Variants in ZNF135 observed in about 807,000 individuals in gnomAD.
The protein encoded by ZNF135 is zinc finger protein 135 (clone pHZ-17).
ZNF135 carries 11 observed loss-of-function variants against 12.3 expected under a neutral mutation model. That is an observed-to-expected ratio of 0.89 (90% CI 0.56 to 1.48). The LOEUF (loss-of-function observed/expected upper bound fraction) is 1.48. ZNF135 is among the 40% of genes most tolerant of loss of function. The probability of loss-of-function intolerance (pLI) is 0.00; values close to 1 mark genes in which losing one functional copy is unlikely to be tolerated. For missense variants in ZNF135, 722 were observed against 815.7 expected (o/e 0.89, Z 1.40); for synonymous variants, 316 against 312.0 (o/e 1.01, Z -0.14).
rs45461497 is a variant in ZNF135, at chr19:58,066,696, G to A, written c.257-45G>A. On this transcript the variant is annotated intron_variant, in intron 4 of 4. Transcript: ENST00000313434. ...CCATCTCACCACAAACTCTTTTGCC[G>A]TGGAACAGAGATTAAGGGACATTTC... 1,544 of 1,599,726 alleles carry A rather than the reference G, an allele frequency of 9.7e-4. 2 individuals carry two copies. The highest frequency in any genetic ancestry group is 1.2e-3 in the Non-Finnish European group (1,439 of 1,172,370).
In ZNF135 at chr19:58,059,325, C is replaced by A. The variant is rs773772579; in HGVS notation, c.-35+15C>A. 8.9e-7 allele frequency: 1 copy of A among 1,118,836 alleles called. No individual in the cohort carries two copies. Among genetic ancestry groups the A allele is most frequent in the Non-Finnish European group, 1.1e-6 (1 of 908,044 alleles). The allele number at this position is 1,118,836 out of a possible 1,614,324, so 69.3% of individuals were successfully genotyped here. ...CAGTCAGGAGGGTGAGCTAGGCCGG[C>A]GAGGAGGGGGAGGGGAGGCCAGGCC... On this transcript the variant is annotated intron_variant, in intron 1 of 4. Transcript: ENST00000313434. This position sits in a 1 kb window ranked among gnomAD's most constrained non-coding sequence, Gnocchi z 6.5.
At chr19:58,059,269 G>A (rs764887474), upstream of ZNF135, 9 of 1,580,398 alleles carry the variant, frequency 5.7e-6, no homozygotes, top group South Asian at 1.1e-5. The surrounding 1 kb of genome is among the most constrained non-coding windows in gnomAD (Gnocchi z 6.5). Flanking sequence ...CCGGCGCAGT[G>A]TCGGCTGCCG....
At position 58,059,821 on chromosome 19, in the gene ZNF135, C is replaced by A; in HGVS notation, c.-34-148C>A. The A allele has an allele frequency of 1.1e-6, 1 of 943,936 alleles. No individual in the cohort carries two copies. Among genetic ancestry groups the A allele is most frequent in the Non-Finnish European group, 1.5e-6 (1 of 652,402 alleles). The allele number at this position is 943,936 out of a possible 1,614,324, so 58.5% of individuals were successfully genotyped here. Reference sequence around the variant, plus strand: ...GGCTGCCCTTCTCCGAGCGGAGGGCCGCCCCACACACAGCAGGCGCTTAAA... The same window carrying A: ...GGCTGCCCTTCTCCGAGCGGAGGGCAGCCCCACACACAGCAGGCGCTTAAA... On this transcript the variant is annotated intron_variant, in intron 1 of 4. Coordinates refer to ENST00000313434, the MANE Select transcript of ZNF135 (RefSeq NM_001289401.2). This position sits in a 1 kb window ranked among gnomAD's most constrained non-coding sequence, Gnocchi z 6.5.
Position 58,067,619 on chromosome 19 carries a change from G to C in ZNF135, c.1135G>C (p.Glu379Gln). The part of the protein sequence containing the change: ...LTKHQRIHTG[E>Q]KPYECHECGK... ...CAAACACCAGCGAATCCACACAGGG[G>C]AGAAGCCCTACGAGTGCCATGAGTG... is the stretch of plus-strand genomic sequence containing the variant. Residue 379 changes from glutamate (E) to glutamine (Q), a missense_variant, in exon 5 of 5, where the codon GAG becomes CAG. By Grantham distance (29) the Glu-to-Gln change is conservative. Transcript: ENST00000313434. 2.5e-6 allele frequency: 4 copies of C among 1,614,164 alleles called. No homozygotes were observed. The South Asian group carries it at 3.3e-5, about 13-fold the overall frequency.
At chr19:58,061,752 G>T (rs1187499560) in intron 3 of ZNF135, 46 bp downstream of exon 3, 1 of 1,558,352 alleles carries the variant, frequency 6.4e-7, no homozygotes, top group Non-Finnish European at 8.6e-7. Flanking sequence ...CCCTGACACG[G>T]ATTCTGATTC....
At position 58,060,555 on chromosome 19, in the gene ZNF135, G is replaced by A. The variant is rs2073959253; in HGVS notation, c.33+520G>A. Reference sequence around the variant, plus strand: ...GCTCTGCGCTCCAAGATGGCGCATCGAGTGCCGCTTCCTCAGACGTCATGG... The same window carrying A: ...GCTCTGCGCTCCAAGATGGCGCATCAAGTGCCGCTTCCTCAGACGTCATGG... On this transcript the variant is annotated intron_variant, in intron 2 of 4. Coordinates refer to ENST00000313434, the MANE Select transcript of ZNF135 (RefSeq NM_001289401.2). This position sits in a 1 kb window ranked among gnomAD's most constrained non-coding sequence, Gnocchi z 4.9. Among the ~76,000 whole-genome samples the A allele has an allele frequency of 6.6e-6, 1 of 152,216 alleles. No individual in the cohort carries two copies. Among genetic ancestry groups the A allele is most frequent in the Admixed American group, 6.5e-5 (1 of 15,282 alleles).
At chr19:58,066,361 C>T (rs557273751) in intron 4 of ZNF135, among the ~76,000 whole-genome samples, 25 of 152,284 alleles carry the variant, frequency 1.6e-4, no homozygotes, top group Admixed American at 1.6e-3. Context: ...GCCTGGGTGC[C>T]ACACTGCTCC....
rs903539221 is a variant in ZNF135, at chr19:58,065,803, A to G, written c.257-938A>G. Among the ~76,000 whole-genome samples, 1 of 152,058 alleles carries G rather than the reference A, an allele frequency of 6.6e-6. No homozygotes were observed. The highest frequency in any genetic ancestry group is 1.5e-5 in the Non-Finnish European group (1 of 68,020). ...CATCTTGGGAAGCCACTATTCTGCC[A>G]TTCACTCTGGCTTAACTTTTTTTTT... On this transcript the variant is annotated intron_variant, in intron 4 of 4. Coordinates refer to ENST00000313434, the MANE Select transcript of ZNF135 (RefSeq NM_001289401.2). The surrounding 1 kb of genome is among the most constrained non-coding windows in gnomAD (Gnocchi z 4.0).
In ZNF135 at chr19:58,059,973, G is replaced by C; in HGVS notation, c.-30G>C. On this transcript the variant is annotated 5_prime_UTR_variant, in exon 2 of 5. Transcript: ENST00000313434. The surrounding 1 kb of genome is among the most constrained non-coding windows in gnomAD (Gnocchi z 6.5). ...CTCACCTCCCCTTTCCCACAGAGCA[G>C]GGCCAGCCGTTCCTGCCAGAAGCCA... is the stretch of plus-strand genomic sequence containing the variant. 1 of 1,613,058 alleles carries C rather than the reference G, an allele frequency of 6.2e-7. No homozygotes were observed.
Position 58,067,940 on chromosome 19 carries a change from C to T in ZNF135, c.1456C>T (p.Arg486Ter), listed in dbSNP as rs201672004. The T allele has an allele frequency of 1.8e-5, 29 of 1,612,342 alleles. No individual in the cohort carries two copies. The highest frequency in any genetic ancestry group is 2.3e-5 in the Non-Finnish European group (27 of 1,179,604). ...RQSTHLTQHQRIHTGEKPYEC... is the reference protein window; with the variant it reads ...RQSTHLTQHQ Reference sequence around the variant, plus strand: ...GAGCACACACCTCACCCAACACCAGCGAATCCACACAGGGGAGAAGCCCTA... The same window carrying T: ...GAGCACACACCTCACCCAACACCAGTGAATCCACACAGGGGAGAAGCCCTA... The change falls in exon 5 of 5, where the codon CGA becomes TGA. Residue 486 changes from arginine (R) to a stop codon, truncating the protein, a stop_gained. Coordinates refer to ENST00000313434, the MANE Select transcript of ZNF135 (RefSeq NM_001289401.2). LOFTEE classifies it low-confidence loss of function (END_TRUNC).
At chr19:58,061,791 C>G (rs2073987148) in intron 3 of ZNF135, 85 bp downstream of exon 3, 1 of 1,478,680 alleles carries the variant, frequency 6.8e-7, no homozygotes, top group South Asian at 1.4e-5. Context: ...TAGGACTGAG[C>G]TTTAAAAGCA....
In ZNF135 at chr19:58,067,258, C is replaced by G. The variant is rs1469292854; in HGVS notation, c.774C>G (p.Thr258=). The G allele has an allele frequency of 5.6e-6, 9 of 1,614,080 alleles. No individual in the cohort carries two copies. The highest frequency in any genetic ancestry group is 7.6e-6 in the Non-Finnish European group (9 of 1,180,046). Residue 258 remains threonine, a synonymous_variant, in exon 5 of 5, where the codon ACC becomes ACG. Coordinates refer to ENST00000313434, the MANE Select transcript of ZNF135 (RefSeq NM_001289401.2). ...LKGFRNSSAL[T]KHQRIHTGEK... is the part of the protein sequence containing the mutation. ...GCTTCCGGAACAGCTCGGCACTTAC[C>G]AAACACCAGAGAATCCATACTGGGG...
chr19:58,067,360 C>A lies in ZNF135; in HGVS notation c.876C>A (p.His292Gln), dbSNP rs2074089381. The stretch of plus-strand genomic sequence containing the variant: ...CACTGATCCAGCACCAGAGAACTCA[C>A]ACAGGTGAGAAGCCCTATGAATGCA... ...IAPLIQHQRT[H>Q]TGEKPYECSE... The change falls in exon 5 of 5, where the codon CAC (histidine) becomes CAA (glutamine). Residue 292 changes from histidine to glutamine, a missense_variant. Transcript: ENST00000313434. The A allele has an allele frequency of 6.8e-6, 11 of 1,614,184 alleles. 1 individual carries two copies. The East Asian group carries it at 2.5e-4, about 36-fold the overall frequency.
Position 58,060,410 on chromosome 19 carries a change from C to T in ZNF135, c.33+375C>T, listed in dbSNP as rs972821443. 2.5e-6 allele frequency: 3 copies of T among 1,187,794 alleles called. No individual in the cohort carries two copies. Among genetic ancestry groups the T allele is most frequent in the Non-Finnish European group, 2.1e-6 (2 of 950,054 alleles). The allele number at this position is 1,187,794 out of a possible 1,614,324, so 73.6% of individuals were successfully genotyped here. ...ACGCCGCGCTGGAGGTCAGCGGGCA[C>T]GGGTCCCTGTCTGAGTGGGCTTTAT... On this transcript the variant is annotated intron_variant, in intron 2 of 4. Transcript: ENST00000313434. The surrounding 1 kb of genome is among the most constrained non-coding windows in gnomAD (Gnocchi z 4.9).
chr19:58,060,227 TC>T lies in ZNF135; in HGVS notation c.33+193del. 3 of 1,438,718 alleles carry T rather than the reference TC, an allele frequency of 2.1e-6. No homozygotes were observed. The highest frequency in any genetic ancestry group is 1.4e-5 in the African/African-American group (1 of 70,210). 89.1% of individuals were successfully genotyped at this position (1,438,718 alleles called of 1,614,324 possible). The stretch of plus-strand genomic sequence containing the variant: ...CTCTACTCGCACAACTGGCCTCTAC[TC>T]GCGCACCTGGCCTCTACTGGTGCCC... On this transcript the variant is annotated intron_variant, in intron 2 of 4. Transcript: ENST00000313434. This position sits in a 1 kb window ranked among gnomAD's most constrained non-coding sequence, Gnocchi z 4.9.
chr19:58,064,739 A>C (rs1009899576), intron 4 of ZNF135, among the ~76,000 whole-genome samples: 5 of 152,002 alleles, frequency 3.3e-5, no homozygotes, highest in African/African-American at 1.2e-4. Context: ...CAAAAAAAAA[A>C]AATTAGCTGG....
At position 58,067,373 on chromosome 19, in the gene ZNF135, C is replaced by T. The variant is rs759428719; in HGVS notation, c.889C>T (p.Pro297Ser). Residue 297 changes from proline to serine, a missense_variant, in exon 5 of 5, where the codon CCC becomes TCC. By Grantham distance (74) the Pro-to-Ser change is moderately conservative. Transcript: ENST00000313434. ...QHQRTHTGEK[P>S]YECSECGKSF... ...CCAGAGAACTCACACAGGTGAGAAGCCCTATGAATGCAGCGAATGTGGGAA... is the reference window on the plus strand; with the variant it reads ...CCAGAGAACTCACACAGGTGAGAAGTCCTATGAATGCAGCGAATGTGGGAA... The T allele has an allele frequency of 2.5e-6, 4 of 1,614,164 alleles. No homozygotes were observed. Among genetic ancestry groups the T allele is most frequent in the Non-Finnish European group, 3.4e-6 (4 of 1,180,004 alleles).
At chr19:58,064,293 A>G (rs541392126) in intron 4 of ZNF135, among the ~76,000 whole-genome samples, 9 of 152,144 alleles carry the variant, frequency 5.9e-5, no homozygotes, top group African/African-American at 1.2e-4. Flanking sequence ...TTAGCTTCCT[A>G]TTGCTCCTCC....
intron 2 of ZNF135, 96 bp from the exon 3 acceptor site, chr19:58,061,484 C>A: frequency 6.7e-7 from 1 of 1,482,574 alleles, no homozygotes; most frequent in Non-Finnish European, 9.0e-7. Flanking sequence ...CCAAAGGGAA[C>A]TCCATCCGAC....
Sources: allele counts gnomAD v4.1 joint callset (sites outside exome capture counted in the v4.1 genomes callset), GRCh38; gene constraint gnomAD v4.1.1; non-coding constraint Gnocchi (gnomAD v3.1); transcripts MANE v1.5; gene names NCBI Gene and HGNC (gene_info 2026-07-23, HGNC 2026-07-21).